GTF2IRD2B: variants seen among roughly 807,000 people sequenced by gnomAD.
GTF2IRD2B encodes the protein GTF2I repeat domain containing 2B.
GTF2IRD2B carries 10 observed loss-of-function variants against 55.6 expected under a neutral mutation model. The observed-to-expected ratio is 0.18, with a 90% confidence interval of 0.11 to 0.31. The LOEUF (loss-of-function observed/expected upper bound fraction) is 0.31. Among genes scored for constraint, GTF2IRD2B ranks in the 10% least tolerant of loss-of-function variants. GTF2IRD2B has a pLI of 1.00. For missense variants in GTF2IRD2B, 206 were observed against 802.7 expected (o/e 0.26, Z 8.98); for synonymous variants, 107 against 320.5 (o/e 0.33, Z 7.12).
chr7:75,114,521 G>A (rs1257666945), intron 3 of GTF2IRD2B, among the ~76,000 whole-genome samples: 4 of 150,534 alleles, frequency 2.7e-5, no homozygotes, highest in Non-Finnish European at 5.9e-5. Context: ...TGATGCTGTG[G>A]TTTGGGGTAC....
intron 1 of GTF2IRD2B, among the ~76,000 whole-genome samples, chr7:75,105,262 A>T (rs1186685436): frequency 6.6e-6 from 1 of 152,276 alleles, no homozygotes; most frequent in African/African-American, 2.4e-5. Flanking sequence ...CCAGCACTTT[A>T]GGAGGCCGAG....
At chr7:75,101,780 G>A (rs1485327980) in intron 1 of GTF2IRD2B, among the ~76,000 whole-genome samples, 1 of 147,122 alleles carries the variant, frequency 6.8e-6, no homozygotes, top group African/African-American at 2.5e-5. Flanking sequence ...TGTAATCCTA[G>A]CTACTCAGGA....
intron 1 of GTF2IRD2B, among the ~76,000 whole-genome samples, chr7:75,105,581 A>T (rs1168717682): frequency 1.3e-5 from 2 of 152,302 alleles, no homozygotes; most frequent in Non-Finnish European, 2.9e-5. Context: ...AATAATAGAG[A>T]TATAGAGATT....
intron 1 of GTF2IRD2B, among the ~76,000 whole-genome samples, chr7:75,101,704 G>A (rs2953665): frequency 8.7e-5 from 13 of 149,890 alleles, no homozygotes; most frequent in East Asian, 5.9e-4. Flanking sequence ...ACCAGCCTGG[G>A]CAACATGGCA....
At chr7:75,092,923 C>T (rs1807297721) in intron 1 of GTF2IRD2B, among the ~76,000 whole-genome samples, 158 bp downstream of exon 1, 1 of 151,498 alleles carries the variant, frequency 6.6e-6, no homozygotes, top group Non-Finnish European at 1.5e-5. Context: ...AGGCGAGGCA[C>T]CCCCGAACCC....
At chr7:75,127,016 AAC>A (rs1808534128) in intron 8 of GTF2IRD2B, among the ~76,000 whole-genome samples, 1 of 89,132 alleles carries the variant, frequency 1.1e-5, no homozygotes, top group African/African-American at 2.8e-5. Context: ...CAAAAACAAA[AAC>A]AAAAACAAAA....
rs1807276008 is a variant in GTF2IRD2B, at chr7:75,092,604, G to A, written c.-167G>A. ...GGGGGAAAGAAAGAAAGAGAAAAAG[G>A]AGGGCGAGTGGCGAGCAGGGGCCTC... is the stretch of plus-strand genomic sequence containing the variant. On this transcript the variant is annotated 5_prime_UTR_variant, in exon 1 of 16. Transcript: ENST00000472837. 1 of 152,886 alleles carries A rather than the reference G, an allele frequency of 6.5e-6. No homozygotes were observed. The allele number at this position is 152,886 out of a possible 1,614,324, so 9.5% of individuals were successfully genotyped here.
intron 1 of GTF2IRD2B, among the ~76,000 whole-genome samples, chr7:75,093,089 C>T (rs1201009579): frequency 2.0e-5 from 3 of 152,292 alleles, no homozygotes; most frequent in Non-Finnish European, 4.4e-5. Context: ...GTACGTGGGG[C>T]GCTCGCGCTG....
chr7:75,117,728 A>G (rs1351849983), intron 3 of GTF2IRD2B, among the ~76,000 whole-genome samples: 2 of 152,288 alleles, frequency 1.3e-5, no homozygotes, highest in Non-Finnish European at 2.9e-5. Context: ...CTGTCTCTAC[A>G]AAATACATAT....
intron 1 of GTF2IRD2B, among the ~76,000 whole-genome samples, chr7:75,102,799 AAC>A (rs1807620076): frequency 6.6e-6 from 1 of 151,778 alleles, no homozygotes; most frequent in African/African-American, 2.4e-5. Context: ...CTCTACTAAA[AAC>A]ACAAAAAATT....
Position 75,108,941 on chromosome 7 carries a change from T to C in GTF2IRD2B, c.-5-19T>C, listed in dbSNP as rs1235212540. On this transcript the variant is annotated intron_variant, in intron 1 of 15. Transcript: ENST00000472837. ...AGACTCTGAATTTTTGCCACTTTCT[T>C]ATTGCTTCTCTTGCACAGGGATCAT... is the stretch of plus-strand genomic sequence containing the variant. The C allele has an allele frequency of 3.1e-6, 2 of 637,920 alleles. No individual in the cohort carries two copies. Among genetic ancestry groups the C allele is most frequent in the Non-Finnish European group, 5.0e-6 (2 of 402,066 alleles). The allele number at this position is 637,920 out of a possible 1,614,324, so 39.5% of individuals were successfully genotyped here.
At chr7:75,133,406 GT>G (rs1226577331) in intron 9 of GTF2IRD2B, among the ~76,000 whole-genome samples, 194 bp downstream of exon 9, 1 of 147,900 alleles carries the variant, frequency 6.8e-6, no homozygotes, top group Non-Finnish European at 1.5e-5. Flanking sequence ...TCTTTTGTTT[GT>G]TTTTTTACAG....
At chr7:75,136,363 C>T (rs1410496711) in intron 10 of GTF2IRD2B, among the ~76,000 whole-genome samples, 5 of 150,014 alleles carry the variant, frequency 3.3e-5, no homozygotes, top group East Asian at 3.9e-4. Context: ...CAGTGTGTCA[C>T]GACCTTGGCT....
intron 1 of GTF2IRD2B, among the ~76,000 whole-genome samples, chr7:75,105,580 G>A (rs1426074841): frequency 5.9e-5 from 9 of 152,304 alleles, no homozygotes; most frequent in Non-Finnish European, 1.2e-4. Context: ...TAATAATAGA[G>A]ATATAGAGAT....
rs782771278 is a variant in GTF2IRD2B, at chr7:75,112,502, A to G, written c.205A>G (p.Arg69Gly). 3.3e-5 allele frequency: 29 copies of G among 876,564 alleles called. No individual in the cohort carries two copies. Among genetic ancestry groups the G allele is most frequent in the Non-Finnish European group, 4.6e-5 (27 of 581,088 alleles). 54.3% of individuals were successfully genotyped at this position (876,564 alleles called of 1,614,324 possible). Residue 69 changes from arginine (R) to glycine (G), a missense_variant, in exon 3 of 16, where the codon AGG becomes GGG. Transcript: ENST00000472837. The part of the protein sequence containing the change: ...TERGCAFVNA[R>G]TDFQKDFAKY... ...GAGAGGATGCGCTTTTGTTAATGCCAGGACGGATTTTCAGAAAGATTTTGC... is the reference window on the plus strand; with the variant it reads ...GAGAGGATGCGCTTTTGTTAATGCCGGGACGGATTTTCAGAAAGATTTTGC...
chr7:75,124,265 G>A (rs1808482595), intron 6 of GTF2IRD2B, among the ~76,000 whole-genome samples: 1 of 152,292 alleles, frequency 6.6e-6, no homozygotes, highest in African/African-American at 2.4e-5. Flanking sequence ...TTACTCAGGA[G>A]GCTGAGGCAG....
chr7:75,117,962 A>C (rs1808226799), intron 3 of GTF2IRD2B, among the ~76,000 whole-genome samples: 1 of 151,904 alleles, frequency 6.6e-6, no homozygotes, highest in Non-Finnish European at 1.5e-5. Flanking sequence ...ATGCACCTGT[A>C]ATCCCAGCTA....
In GTF2IRD2B at chr7:75,109,459, C is replaced by T. The variant is rs1295001081; in HGVS notation, c.99+396C>T. Among the ~76,000 whole-genome samples the T allele has an allele frequency of 1.3e-3, 180 of 133,650 alleles. 2 individuals are homozygous for T. The highest frequency in any genetic ancestry group is 3.6e-3 in the Middle Eastern group (1 of 276). The allele number at this position is 133,650 out of a possible 152,430, so 87.7% of individuals were successfully genotyped here. A position where few individuals can be genotyped will look rare whatever the true frequency, so the allele number is the denominator to read the frequency against. Reference sequence around the variant, plus strand: ...GTTCAAGCAATTCTCCTGCCTCAGCCTCCCAAGTAGCTGGGATTACAGGCG... The same window carrying T: ...GTTCAAGCAATTCTCCTGCCTCAGCTTCCCAAGTAGCTGGGATTACAGGCG... On this transcript the variant is annotated intron_variant, in intron 2 of 15. Coordinates refer to ENST00000472837, the MANE Select transcript of GTF2IRD2B (RefSeq NM_001003795.3).
chr7:75,133,645 T>C (rs1186718655), intron 9 of GTF2IRD2B, among the ~76,000 whole-genome samples: 7 of 149,016 alleles, frequency 4.7e-5, no homozygotes, highest in African/African-American at 1.8e-4. Flanking sequence ...TGGGTTCAAA[T>C]GATTCTTGTG....
Sources: gnomAD v4.1 joint callset for allele counts (sites outside exome capture counted in the v4.1 genomes callset) on GRCh38, gnomAD v4.1.1 for gene constraint, MANE v1.5 for transcripts, NCBI Gene and HGNC (gene_info 2026-07-23, HGNC 2026-07-21) for gene names.